RBM47: variants seen among roughly 807,000 people sequenced by gnomAD.
RBM47 encodes the protein RNA binding motif protein 47.
In RBM47, 21 loss-of-function variants were observed where a neutral mutation model predicts 47.1. The observed-to-expected ratio is 0.45, with a 90% CI of 0.32 to 0.64. The LOEUF (loss-of-function observed/expected upper bound fraction) is 0.64, where lower values mean the gene tolerates loss of function less well. Among genes scored for constraint, RBM47 ranks in the 30% least tolerant of loss-of-function variants. RBM47 has a pLI of 0.05. For synonymous variants in RBM47, 375 were observed against 361.7 expected, an observed-to-expected ratio of 1.04 and a Z score of -0.42; for missense variants, 708 against 870.9, an observed-to-expected ratio of 0.81 and a Z score of 2.35.
chr4:40,542,711 A>G (rs1728667016), intron 2 of RBM47: 1 of 151,924 alleles, frequency 6.6e-6, no homozygotes, highest in Non-Finnish European at 1.5e-5. Context: ...GACAATTTTT[A>G]AATTTTTGTA....
chr4:40,587,377 G>A (rs1337013010), intron 1 of RBM47, among the ~76,000 whole-genome samples: 3 of 152,052 alleles, frequency 2.0e-5, no homozygotes. Context: ...AGACCAGAAG[G>A]CCCTGACCAC....
chr4:40,610,762 A>C (rs985397354), intron 1 of RBM47, among the ~76,000 whole-genome samples: 13 of 152,072 alleles, frequency 8.5e-5, no homozygotes, highest in African/African-American at 3.1e-4. Flanking sequence ...AGGTAATTGA[A>C]TCATGGGGGC....
At chr4:40,441,056 T>G (rs1713549655) in intron 3 of RBM47, among the ~76,000 whole-genome samples, 1 of 152,138 alleles carries the variant, frequency 6.6e-6, no homozygotes, top group Non-Finnish European at 1.5e-5. Flanking sequence ...ATCATGAAAT[T>G]TTTTTGTAGT....
chr4:40,568,461 G>A (rs954517155), intron 1 of RBM47, among the ~76,000 whole-genome samples: 1 of 144,928 alleles, frequency 6.9e-6, no homozygotes, highest in Non-Finnish European at 1.5e-5. Flanking sequence ...AAAAAGGGTG[G>A]TCTCTATCAT....
intron 1 of RBM47, among the ~76,000 whole-genome samples, chr4:40,605,118 G>T (rs1339050098): frequency 6.6e-6 from 1 of 151,966 alleles, no homozygotes; most frequent in Non-Finnish European, 1.5e-5. Context: ...CGCCTCCCAG[G>T]TTTAAGCAAT....
chr4:40,447,737 G>A (rs544842244), intron 3 of RBM47, among the ~76,000 whole-genome samples: 4 of 152,322 alleles, frequency 2.6e-5, no homozygotes, highest in Admixed American at 2.6e-4. Context: ...CAGGCCAGGC[G>A]CAGTGGCTCA....
At chr4:40,521,623 T>A (rs149078025) in intron 2 of RBM47, among the ~76,000 whole-genome samples, 6 of 152,332 alleles carry the variant, frequency 3.9e-5, no homozygotes, top group African/African-American at 1.2e-4. Flanking sequence ...CAAGGAAAAA[T>A]CACTTGAGAG....
At chr4:40,574,178 T>C (rs1732070529) in intron 1 of RBM47, among the ~76,000 whole-genome samples, 1 of 152,220 alleles carries the variant, frequency 6.6e-6, no homozygotes, top group Non-Finnish European at 1.5e-5. Flanking sequence ...TTCCGAGATC[T>C]AAATATTCTC....
In RBM47 at chr4:40,423,698, TTCTTTCTTTC is replaced by T. The variant is rs1255244366; in HGVS notation, c.*2196_*2205del. On this transcript the variant is annotated 3_prime_UTR_variant, in exon 7 of 7. Transcript: ENST00000295971. ...TTTCTTTCTTTCTTTCTTTCTTTCTTTCTTTCTTTCTTTCTTTTCTTTCTTTTCTTTCTTC... is the reference window on the plus strand; with the variant it reads ...TTTCTTTCTTTCTTTCTTTCTTTCTTTTTCTTTTCTTTCTTTTCTTTCTTC... The T allele has an allele frequency of 1.1e-5, 1 of 90,174 alleles. No individual in the cohort carries two copies. Among genetic ancestry groups the T allele is most frequent in the African/African-American group, 6.5e-5 (1 of 15,416 alleles). 5.6% of individuals were successfully genotyped at this position (90,174 alleles called of 1,614,324 possible).
intron 2 of RBM47, among the ~76,000 whole-genome samples, chr4:40,529,277 G>A (rs1003534372): frequency 6.6e-6 from 1 of 151,962 alleles, no homozygotes; most frequent in Non-Finnish European, 1.5e-5. Flanking sequence ...GGAGGCCAAG[G>A]TGGGCAGATC....
intron 2 of RBM47, among the ~76,000 whole-genome samples, chr4:40,534,059 C>T (rs1382245011): frequency 1.3e-5 from 2 of 151,912 alleles, no homozygotes; most frequent in African/African-American, 4.8e-5. Flanking sequence ...AGGTGATCCA[C>T]ATGCCTCGGC....
At chr4:40,484,534 T>C (rs1720829977) in intron 2 of RBM47, among the ~76,000 whole-genome samples, 1 of 152,140 alleles carries the variant, frequency 6.6e-6, no homozygotes, top group Non-Finnish European at 1.5e-5. Context: ...GGGATCATGT[T>C]ACTCCCATGA....
chr4:40,571,163 C>T (rs35806933), intron 1 of RBM47, among the ~76,000 whole-genome samples: 5,781 of 151,948 alleles, frequency 0.038, 378 homozygotes, highest in African/African-American at 0.13. Context: ...TTGCAGTGAG[C>T]CGAGATTGCA....
chr4:40,528,041 G>A (rs574795341), intron 2 of RBM47, among the ~76,000 whole-genome samples: 3 of 152,268 alleles, frequency 2.0e-5, no homozygotes, highest in East Asian at 1.9e-4. Context: ...AAATACTTAC[G>A]AAGTATTTCT....
At chr4:40,526,761 G>A (rs1273542185) in intron 2 of RBM47, among the ~76,000 whole-genome samples, 2 of 140,196 alleles carry the variant, frequency 1.4e-5, no homozygotes, top group Non-Finnish European at 3.1e-5. Context: ...TAGAGACAGG[G>A]TCTCTCACTG....
chr4:40,526,789 CTTTTTTT>C (rs540484622), intron 2 of RBM47, among the ~76,000 whole-genome samples: 70 of 61,626 alleles, frequency 1.1e-3, no homozygotes, highest in African/African-American at 4.1e-3. Context: ...CAGTTTGGTT[CTTTTTTT>C]TTTTTTTTTT....
intron 2 of RBM47, among the ~76,000 whole-genome samples, chr4:40,524,699 C>T (rs1462176457): frequency 6.6e-6 from 1 of 152,236 alleles, no homozygotes; most frequent in East Asian, 1.9e-4. Flanking sequence ...CAGCTCACTG[C>T]AGCCTTGACC....
chr4:40,604,714 T>TTTGTTGTTG (rs57799277), intron 1 of RBM47, among the ~76,000 whole-genome samples: 2,996 of 151,728 alleles, frequency 0.02, 87 homozygotes, highest in African/African-American at 0.068. Flanking sequence ...CACATGGCTC[T>TTTGTTGTTG]TTGTTGTTGT....
At chr4:40,530,755 C>A (rs1310619714) in intron 2 of RBM47, among the ~76,000 whole-genome samples, 8 of 152,152 alleles carry the variant, frequency 5.3e-5, no homozygotes, top group Non-Finnish European at 1.0e-4. Flanking sequence ...TGGCAAAAAC[C>A]ACTATGATCA....
Sources: gnomAD v4.1 joint callset for allele counts (sites outside exome capture counted in the v4.1 genomes callset) on GRCh38, gnomAD v4.1.1 for gene constraint, MANE v1.5 for transcripts, NCBI Gene and HGNC (gene_info 2026-07-23, HGNC 2026-07-21) for gene names.